RBBP7: variants seen among roughly 807,000 people sequenced by gnomAD.
The protein encoded by RBBP7 is RB binding protein 7, chromatin remodeling factor.
In RBBP7, 5 loss-of-function variants were observed where a neutral mutation model predicts 35.2. The ratio of observed to expected loss-of-function variants is 0.14; its 90% CI spans 0.07 to 0.30. The LOEUF (loss-of-function observed/expected upper bound fraction) is 0.30, where lower values mean the gene tolerates loss of function less well. RBBP7 is among the 10% of genes least tolerant of loss of function. The probability of loss-of-function intolerance (pLI) is 1.00; values close to 1 mark genes in which losing one functional copy is unlikely to be tolerated. For synonymous variants in RBBP7, 140 were observed against 118.7 expected, an observed-to-expected ratio of 1.18 and a Z score of -1.17; for missense variants, 155 against 327.5, an observed-to-expected ratio of 0.47 and a Z score of 4.07.
At position 16,849,324 on chromosome X, in the gene RBBP7, G is replaced by C. The variant is rs376535809; in HGVS notation, c.1041-23C>G. 5 of 1,174,176 alleles carry C rather than the reference G, an allele frequency of 4.3e-6. No homozygotes were observed. In the African/African-American group the frequency reaches 7.1e-5, roughly 17 times the overall value. On this transcript the variant is annotated intron_variant, in intron 9 of 11. Coordinates refer to ENST00000380087, the MANE Select transcript of RBBP7 (RefSeq NM_002893.4). ...TTACTGTAAGAATAAAGAATATAAC[G>C]CTTTCATCAGTGAAATTCTTGTAGC...
intron 9 of RBBP7, among the ~76,000 whole-genome samples, chrX:16,851,687 T>C (rs1406071184): frequency 9.0e-6 from 1 of 111,678 alleles, no homozygotes; most frequent in Non-Finnish European, 1.9e-5. Flanking sequence ...GAAAAAACAG[T>C]CCTGCCTACA....
intron 2 of RBBP7, among the ~76,000 whole-genome samples, chrX:16,865,828 C>T (rs778882123): frequency 8.9e-6 from 1 of 112,371 alleles, no homozygotes; most frequent in Non-Finnish European, 1.9e-5. Flanking sequence ...CAGCAAGGAA[C>T]TGGTATCATA....
chrX:16,862,822 G>A, intron 3 of RBBP7, 133 bp downstream of exon 3: 1 of 685,660 alleles, frequency 1.5e-6, no homozygotes, highest in South Asian at 3.8e-5. Context: ...ACATGTGGGT[G>A]GGAAGTTCTG....
chrX:16,869,750 C>G, intron 1 of RBBP7: 1 of 969,464 alleles, frequency 1.0e-6, no homozygotes, highest in African/African-American at 2.0e-5. Context: ...CGGCGGGGGC[C>G]GCCTCCGCCC....
At chrX:16,850,708 A>G (rs925266854) in intron 9 of RBBP7, among the ~76,000 whole-genome samples, 3 of 112,232 alleles carry the variant, frequency 2.7e-5, no homozygotes, top group Admixed American at 9.5e-5. Flanking sequence ...TACTGCCTCT[A>G]TAATTAAGGC....
At chrX:16,867,836 GC>G (rs1174357742) in intron 2 of RBBP7, among the ~76,000 whole-genome samples, 1 of 105,207 alleles carries the variant, frequency 9.5e-6, no homozygotes. Context: ...ACGCTGCCAC[GC>G]CCGGTTTTTT....
chrX:16,853,119 C>G, intron 6 of RBBP7: 1 of 390,666 alleles, frequency 2.6e-6, no homozygotes, highest in Non-Finnish European at 4.3e-6. Flanking sequence ...CCAACTATTT[C>G]AAGTGTACAC....
chrX:16,847,516 C>G (rs766578034), intron 10 of RBBP7: 12 of 110,095 alleles, frequency 1.1e-4, no homozygotes, highest in Non-Finnish European at 1.9e-4. Context: ...GCTTAGAAAA[C>G]ATACAGGAGT....
In RBBP7 at chrX:16,845,131, T is replaced by TA. The variant is rs780455163; in HGVS notation, c.1210-29dup. 9.7e-5 allele frequency: 103 copies of TA among 1,060,425 alleles called. No individual in the cohort carries two copies. In the Middle Eastern group the frequency reaches 7.8e-3, roughly 80 times the overall value. 87.4% of individuals were successfully genotyped at this position (1,060,425 alleles called of 1,213,427 possible). A position where few individuals can be genotyped will look rare whatever the true frequency, so the allele number is the denominator to read the frequency against. ...GGAGATAACCAAATAAATTCACAGGTAAAAACTCCCTATGGTTTTCACATG... is the reference window on the plus strand; with the variant it reads ...GGAGATAACCAAATAAATTCACAGGTAAAAAACTCCCTATGGTTTTCACATG... On this transcript the variant is annotated intron_variant, in intron 11 of 11. Coordinates refer to ENST00000380087, the MANE Select transcript of RBBP7 (RefSeq NM_002893.4).
intron 2 of RBBP7, among the ~76,000 whole-genome samples, chrX:16,866,202 ACTAT>A (rs1930611119): frequency 8.9e-6 from 1 of 111,841 alleles, no homozygotes; most frequent in Admixed American, 9.5e-5. Flanking sequence ...ATATGAAATA[ACTAT>A]CTAATTAAAA....
At chrX:16,854,207 C>G (rs929268129) in intron 5 of RBBP7, among the ~76,000 whole-genome samples, 2 of 111,905 alleles carry the variant, frequency 1.8e-5, no homozygotes, top group African/African-American at 6.5e-5. Flanking sequence ...TAAATGCTAA[C>G]ATCTTATTTA....
intron 8 of RBBP7, 77 bp downstream of exon 8, chrX:16,852,474 C>G (rs780887542): frequency 1.9e-6 from 2 of 1,061,039 alleles, no homozygotes; most frequent in Middle Eastern, 2.5e-4. Context: ...AGTGGACCCA[C>G]GAGTCTGGTA....
intron 3 of RBBP7, among the ~76,000 whole-genome samples, chrX:16,860,916 G>GT (rs1930461158): frequency 8.9e-6 from 1 of 111,813 alleles, no homozygotes; most frequent in African/African-American, 3.3e-5. Context: ...GCTCATGCCT[G>GT]TAATTCCAGC....
At chrX:16,869,897 C>T (rs764590596) in intron 1 of RBBP7, 141 bp downstream of exon 1, 1 of 780,587 alleles carries the variant, frequency 1.3e-6, no homozygotes, top group African/African-American at 2.3e-5. Context: ...GCAGGCCCCT[C>T]GAGGCGCGCG....
At chrX:16,853,433 TACAGGTGCAC>T in intron 6 of RBBP7, 2 of 262,340 alleles carry the variant, frequency 7.6e-6, no homozygotes, top group South Asian at 3.7e-4. Context: ...TAGCTAGGAC[TACAGGTGCAC>T]ACCACCATAC....
intron 3 of RBBP7, among the ~76,000 whole-genome samples, chrX:16,860,231 T>C (rs1930435533): frequency 2.3e-5 from 2 of 87,904 alleles, no homozygotes; most frequent in Admixed American, 1.4e-4. Context: ...TACTCAAGTT[T>C]CCTGATTCCT....
chrX:16,862,548 A>AT (rs1163188544), intron 3 of RBBP7, among the ~76,000 whole-genome samples: 5 of 108,409 alleles, frequency 4.6e-5, no homozygotes, highest in South Asian at 4.0e-4. Context: ...AAAAAAAAAA[A>AT]TTTTTTTTTT....
chrX:16,860,661 G>A (rs1184593518), intron 3 of RBBP7, among the ~76,000 whole-genome samples: 1 of 89,247 alleles, frequency 1.1e-5, no homozygotes, highest in Admixed American at 1.4e-4. Context: ...GTGACAGAGC[G>A]AAACTTCGTC....
intron 4 of RBBP7, among the ~76,000 whole-genome samples, chrX:16,858,394 G>C (rs1930396849): frequency 9.0e-6 from 1 of 111,632 alleles, no homozygotes; most frequent in South Asian, 3.7e-4. Context: ...TGGATGGGAA[G>C]GACTCAGACG....
Sources: gnomAD v4.1 joint callset for allele counts (sites outside exome capture counted in the v4.1 genomes callset) on GRCh38, gnomAD v4.1.1 for gene constraint, MANE v1.5 for transcripts, NCBI Gene and HGNC (gene_info 2026-07-23, HGNC 2026-07-21) for gene names.